SCAPER: variants seen among roughly 807,000 people sequenced by gnomAD.
The protein encoded by SCAPER is S phase cyclin A-associated protein in the endoplasmic reticulum.
A neutral mutation model predicts 182.2 loss-of-function variants in SCAPER; 98 were observed. That is an observed-to-expected ratio of 0.54 (90% CI 0.46 to 0.64). SCAPER has a LOEUF of 0.64. Among genes scored for constraint, SCAPER ranks in the 30% least tolerant of loss-of-function variants. SCAPER has a pLI of 0.00. For synonymous variants in SCAPER, 605 were observed against 564.6 expected, an observed-to-expected ratio of 1.07 and a Z score of -1.01; for missense variants, 1,432 against 1,690.0, an observed-to-expected ratio of 0.85 and a Z score of 2.68.
At chr15:76,674,222 G>C (rs566831951) in intron 20 of SCAPER, among the ~76,000 whole-genome samples, 1 of 152,108 alleles carries the variant, frequency 6.6e-6, no homozygotes, top group South Asian at 2.1e-4. Flanking sequence ...GGTACTAAGC[G>C]TCAATAGCTG....
intron 22 of SCAPER, among the ~76,000 whole-genome samples, chr15:76,607,441 C>G (rs966138641): frequency 6.6e-6 from 1 of 152,156 alleles, no homozygotes; most frequent in African/African-American, 2.4e-5. Flanking sequence ...TCTCTGGCTG[C>G]TCTTAACATT....
intron 20 of SCAPER, among the ~76,000 whole-genome samples, chr15:76,674,873 A>C (rs980946066): frequency 2.6e-5 from 4 of 152,256 alleles, no homozygotes; most frequent in African/African-American, 9.6e-5. Flanking sequence ...CGCATAAAGT[A>C]ACATAAGAAA....
intron 17 of SCAPER, among the ~76,000 whole-genome samples, chr15:76,728,255 T>A (rs1435042870): frequency 6.6e-6 from 1 of 151,792 alleles, no homozygotes; most frequent in Non-Finnish European, 1.5e-5. Context: ...GTGACTCTTG[T>A]GATCTAGACT....
chr15:76,364,669 G>C (rs919573618), intron 29 of SCAPER, among the ~76,000 whole-genome samples: 1 of 152,146 alleles, frequency 6.6e-6, no homozygotes, highest in African/African-American at 2.4e-5. Flanking sequence ...TCCTGCAGGG[G>C]AGAATAATGC....
chr15:76,696,674 T>C (rs911754821), intron 20 of SCAPER, among the ~76,000 whole-genome samples: 2 of 152,164 alleles, frequency 1.3e-5, no homozygotes, highest in African/African-American at 2.4e-5. Flanking sequence ...TCAGCTTCTT[T>C]AGATAGTGTG....
intron 23 of SCAPER, among the ~76,000 whole-genome samples, chr15:76,568,615 G>A (rs1033884387): frequency 6.6e-6 from 1 of 152,012 alleles, no homozygotes; most frequent in Non-Finnish European, 1.5e-5. Context: ...CCTCAGCCTC[G>A]CAAAGTGCTG....
chr15:76,593,781 G>T (rs2049297686), intron 22 of SCAPER, among the ~76,000 whole-genome samples: 1 of 120,854 alleles, frequency 8.3e-6, no homozygotes. Flanking sequence ...AGCATCAACA[G>T]CAACAAAAAG....
Position 76,351,430 on chromosome 15 carries a change from G to A in SCAPER, c.4048-142C>T, listed in dbSNP as rs2040541328. 1.7e-5 allele frequency: 10 copies of A among 598,214 alleles called. No individual in the cohort carries two copies. The South Asian group carries it at 2.9e-4, about 17-fold the overall frequency. The allele number at this position is 598,214 out of a possible 1,614,324, so 37.1% of individuals were successfully genotyped here. On this transcript the variant is annotated intron_variant, in intron 30 of 31. Transcript: ENST00000563290. ...CCCAAATATAAACGCTGAAGAAACT[G>A]ATGTTACGTAGTGCAGGTTCTCATA...
intron 23 of SCAPER, among the ~76,000 whole-genome samples, chr15:76,526,905 CTT>C (rs1231058900): frequency 1.3e-5 from 2 of 150,560 alleles, no homozygotes; most frequent in Non-Finnish European, 3.0e-5. Context: ...GTTTTCTGCT[CTT>C]GTCGCCCAGG....
intron 21 of SCAPER, among the ~76,000 whole-genome samples, chr15:76,653,201 A>G (rs74739194): frequency 0.019 from 2,959 of 152,080 alleles, 103 homozygotes; most frequent in African/African-American, 0.068. Flanking sequence ...AAAACTGCCG[A>G]AAAAAAATTA....
At chr15:76,820,685 C>T (rs1038423485) in intron 5 of SCAPER, among the ~76,000 whole-genome samples, 5 of 151,188 alleles carry the variant, frequency 3.3e-5, no homozygotes, top group African/African-American at 4.9e-5. Flanking sequence ...CACATGTATA[C>T]ATATGTAACA....
chr15:76,606,153 C>T (rs2050374852), intron 22 of SCAPER, among the ~76,000 whole-genome samples: 1 of 152,152 alleles, frequency 6.6e-6, no homozygotes, highest in African/African-American at 2.4e-5. Flanking sequence ...CTCTTGTGGG[C>T]ATTTAGTGCT....
At chr15:76,610,570 CA>C (rs1382537385) in intron 22 of SCAPER, among the ~76,000 whole-genome samples, 4 of 152,058 alleles carry the variant, frequency 2.6e-5, no homozygotes, top group African/African-American at 9.7e-5. Context: ...TATTAATATA[CA>C]AATTCAGTAA....
chr15:76,505,565 A>G (rs1043419329), intron 23 of SCAPER, among the ~76,000 whole-genome samples: 41 of 152,348 alleles, frequency 2.7e-4, no homozygotes, highest in African/African-American at 9.9e-4. Flanking sequence ...ACCCCAGTTA[A>G]AATGTCTTTT....
chr15:76,677,432 C>T (rs1458563071), intron 20 of SCAPER, among the ~76,000 whole-genome samples: 1 of 151,960 alleles, frequency 6.6e-6, no homozygotes, highest in Non-Finnish European at 1.5e-5. Context: ...GACTGACTGA[C>T]TTCTCTAGGC....
intron 4 of SCAPER, among the ~76,000 whole-genome samples, chr15:76,846,176 A>G (rs1004085835): frequency 6.6e-6 from 1 of 152,170 alleles, no homozygotes; most frequent in Non-Finnish European, 1.5e-5. Context: ...TTCTCTCACC[A>G]TATACAAACC....
chr15:76,636,291 T>G (rs1056671559), intron 21 of SCAPER, among the ~76,000 whole-genome samples: 4 of 152,108 alleles, frequency 2.6e-5, no homozygotes, highest in Non-Finnish European at 5.9e-5. Context: ...ATACTAAGGA[T>G]CCCTTATATG....
At chr15:76,740,750 T>C (rs2061499033) in intron 15 of SCAPER, among the ~76,000 whole-genome samples, 1 of 152,010 alleles carries the variant, frequency 6.6e-6, no homozygotes, top group African/African-American at 2.4e-5. Flanking sequence ...ATAAAACAAC[T>C]CATAAATGAA....
intron 22 of SCAPER, among the ~76,000 whole-genome samples, chr15:76,584,084 C>T (rs1597506003): frequency 6.6e-6 from 1 of 152,108 alleles, no homozygotes; most frequent in East Asian, 1.9e-4. Flanking sequence ...AATATATCAC[C>T]AATAAAAAGG....
Sources: gnomAD v4.1 joint callset for allele counts (sites outside exome capture counted in the v4.1 genomes callset) on GRCh38, gnomAD v4.1.1 for gene constraint, MANE v1.5 for transcripts, NCBI Gene and HGNC (gene_info 2026-07-23, HGNC 2026-07-21) for gene names.